The following TMEM132B variants were observed in gnomAD, a reference collection of about 807,000 sequenced individuals.
TMEM132B encodes transmembrane protein 132B.
In TMEM132B, 18 loss-of-function variants were observed where a neutral mutation model predicts 90.8. That is an observed-to-expected ratio of 0.20 (90% confidence interval 0.14 to 0.29). The LOEUF is 0.29. Ranked by LOEUF, TMEM132B falls within the 10% of genes least tolerant of loss-of-function variation. TMEM132B has a pLI of 1.00. For missense variants in TMEM132B, 1,096 were observed against 1,326.8 expected, an observed-to-expected ratio of 0.83 and a Z score of 2.70; for synonymous variants, 504 against 523.3, an observed-to-expected ratio of 0.96 and a Z score of 0.50.
intron 4 of TMEM132B, among the ~76,000 whole-genome samples, chr12:125,565,818 G>A (rs1439945613): frequency 6.6e-6 from 1 of 152,204 alleles, no homozygotes; most frequent in Non-Finnish European, 1.5e-5. Flanking sequence ...GTACAGGACA[G>A]GGGGGCATGG....
At chr12:125,385,085 G>A (rs1253395841) in intron 2 of TMEM132B, among the ~76,000 whole-genome samples, 2 of 152,150 alleles carry the variant, frequency 1.3e-5, no homozygotes, top group African/African-American at 4.8e-5. Flanking sequence ...AGATCATGCT[G>A]CATTTGCCTC....
chr12:125,429,889 C>T (rs529189520), intron 3 of TMEM132B, among the ~76,000 whole-genome samples: 1 of 152,288 alleles, frequency 6.6e-6, no homozygotes, highest in South Asian at 2.1e-4. Context: ...CCACACTGTA[C>T]TCTTTGCAAG....
intron 3 of TMEM132B, among the ~76,000 whole-genome samples, chr12:125,467,658 T>C (rs1881604309): frequency 2.6e-5 from 4 of 152,200 alleles, no homozygotes; most frequent in Admixed American, 2.0e-4. Context: ...AGTTCAGTGG[T>C]ATTTAGTATA....
chr12:125,611,872 G>A (rs1294950163), intron 5 of TMEM132B, among the ~76,000 whole-genome samples: 1 of 152,138 alleles, frequency 6.6e-6, no homozygotes, highest in Non-Finnish European at 1.5e-5. Flanking sequence ...AGGAGAATAT[G>A]TATTTTGTTG....
At chr12:125,511,413 GA>G (rs1882974967) in intron 3 of TMEM132B, among the ~76,000 whole-genome samples, 2 of 152,100 alleles carry the variant, frequency 1.3e-5, no homozygotes, top group Non-Finnish European at 2.9e-5. Flanking sequence ...CTGCAACCAG[GA>G]AGTAGAAATT....
intron 1 of TMEM132B, among the ~76,000 whole-genome samples, chr12:125,234,051 G>T (rs142617053): frequency 6.6e-6 from 1 of 152,300 alleles, no homozygotes; most frequent in Non-Finnish European, 1.5e-5. Context: ...CTGTAGTCAG[G>T]GATGTAGATA....
intron 3 of TMEM132B, among the ~76,000 whole-genome samples, chr12:125,455,737 C>T (rs1327891555): frequency 6.7e-6 from 1 of 149,976 alleles, no homozygotes; most frequent in Admixed American, 6.8e-5. Flanking sequence ...ATGATTTGAT[C>T]ACGGCTCCAG....
At chr12:125,433,640 A>T (rs1880609126) in intron 3 of TMEM132B, among the ~76,000 whole-genome samples, 1 of 149,432 alleles carries the variant, frequency 6.7e-6, no homozygotes, top group Non-Finnish European at 1.5e-5. Context: ...ATCTAGCATT[A>T]GGTATATCTC....
chr12:125,468,835 A>G (rs1382445278), intron 3 of TMEM132B, among the ~76,000 whole-genome samples: 1 of 152,164 alleles, frequency 6.6e-6, no homozygotes, highest in Admixed American at 6.6e-5. Flanking sequence ...TTTATACCTA[A>G]GTATTTTATT....
rs116118521 is a variant in TMEM132B, at chr12:125,324,572, G to A, written c.68-24880G>A. The stretch of plus-strand genomic sequence containing the variant: ...CCGGACCACACAGCAGCAGGCTAGC[G>A]AGCATTACTGCCTGAGCTCTGCCTC... On this transcript the variant is annotated intron_variant, in intron 1 of 8. Coordinates refer to ENST00000682704, the MANE Select transcript of TMEM132B (RefSeq NM_001366854.1). Among the ~76,000 whole-genome samples the A allele has an allele frequency of 5.0e-3, 750 of 151,378 alleles. 9 individuals are homozygous for A. The highest frequency in any genetic ancestry group is 0.017 in the African/African-American group (696 of 40,948).
chr12:125,267,337 T>A (rs1874719882), intron 1 of TMEM132B, among the ~76,000 whole-genome samples: 1 of 152,130 alleles, frequency 6.6e-6, no homozygotes. Flanking sequence ...GCGAATTTCC[T>A]TTTTAAAGGG....
intron 3 of TMEM132B, among the ~76,000 whole-genome samples, chr12:125,453,076 A>AC (rs1881197826): frequency 7.0e-6 from 1 of 143,700 alleles, no homozygotes; most frequent in Non-Finnish European, 1.5e-5. Flanking sequence ...ATTTCAGTAA[A>AC]ACACACACAC....
intron 1 of TMEM132B, among the ~76,000 whole-genome samples, chr12:125,287,931 G>A (rs986871117): frequency 6.6e-6 from 1 of 151,954 alleles, no homozygotes; most frequent in Non-Finnish European, 1.5e-5. Flanking sequence ...GCAATGGCGC[G>A]ATCTCGGCTC....
intron 1 of TMEM132B, among the ~76,000 whole-genome samples, chr12:125,309,343 A>G (rs945795505): frequency 2.0e-5 from 3 of 152,162 alleles, no homozygotes; most frequent in Non-Finnish European, 4.4e-5. Context: ...GTAAGATTAG[A>G]TCTTTGCAGC....
At chr12:125,397,505 T>C (rs1009995979) in intron 2 of TMEM132B, among the ~76,000 whole-genome samples, 4 of 152,246 alleles carry the variant, frequency 2.6e-5, no homozygotes, top group Admixed American at 2.0e-4. Context: ...GAAACACTAT[T>C]ACCCTACTAA....
intron 1 of TMEM132B, among the ~76,000 whole-genome samples, chr12:125,295,515 TGAGAGAGAGA>T (rs1555237218): frequency 7.0e-6 from 1 of 142,334 alleles, no homozygotes; most frequent in Non-Finnish European, 1.5e-5. Context: ...TGTGTGTGTG[TGAGAGAGAGA>T]GAGAGAGAGA....
intron 4 of TMEM132B, among the ~76,000 whole-genome samples, chr12:125,578,363 GT>G (rs1566079321): frequency 6.6e-6 from 1 of 152,066 alleles, no homozygotes; most frequent in Admixed American, 6.6e-5. Context: ...CTTTGTGTCT[GT>G]TTTTGTCATA....
intron 2 of TMEM132B, among the ~76,000 whole-genome samples, chr12:125,379,174 C>T (rs924497332): frequency 6.6e-6 from 1 of 152,176 alleles, no homozygotes; most frequent in Non-Finnish European, 1.5e-5. Flanking sequence ...TCTTAATCAC[C>T]AGAACCTGTG....
Position 125,654,596 on chromosome 12 carries a change from C to A in TMEM132B, c.3138C>A (p.Thr1046=). ...TILPEDGGPY[T]NSILFDSDDN... is the part of the protein sequence containing the mutation. ...TCCCAGAGGACGGCGGCCCATACAC[C>A]AACTCCATCCTGTTTGACAGCGATG... The change falls in exon 9 of 9, where the codon ACC becomes ACA. Residue 1046 remains threonine (T), a synonymous_variant. Transcript: ENST00000682704. The surrounding 1 kb of genome is among the most constrained non-coding windows in gnomAD (Gnocchi z 5.8). 6.2e-7 allele frequency: 1 copy of A among 1,614,204 alleles called. No individual in the cohort carries two copies. The highest frequency in any genetic ancestry group is 8.5e-7 in the Non-Finnish European group (1 of 1,180,024).
Sources: gnomAD v4.1 joint callset for allele counts (sites outside exome capture counted in the v4.1 genomes callset) on GRCh38, gnomAD v4.1.1 for gene constraint, Gnocchi (gnomAD v3.1) non-coding constraint, MANE v1.5 for transcripts, NCBI Gene and HGNC (gene_info 2026-07-23, HGNC 2026-07-21) for gene names.